DET1: variants seen among roughly 807,000 people sequenced by gnomAD.
DET1 encodes DET1 homolog.
Under a neutral mutation model 43.7 loss-of-function variants are expected in DET1, and 22 were observed. The observed-to-expected ratio is 0.50, with a 90% confidence interval of 0.36 to 0.72. DET1 has a LOEUF of 0.72. Ranked by LOEUF, DET1 falls within the 30% of genes least tolerant of loss-of-function variation. DET1 has a pLI of 0.00. For synonymous variants in DET1, 315 were observed against 266.2 expected, an observed-to-expected ratio of 1.18 and a Z score of -1.79; for missense variants, 713 against 713.3, an observed-to-expected ratio of 1.00 and a Z score of 0.00.
intron 3 of DET1, among the ~76,000 whole-genome samples, chr15:88,521,435 G>A (rs954624722): frequency 1.8e-4 from 28 of 151,988 alleles, no homozygotes; most frequent in East Asian, 3.9e-4. Context: ...CTCCACTTTC[G>A]TGCTTCCAAA....
At chr15:88,534,339 G>C (rs569768161) in intron 1 of DET1, among the ~76,000 whole-genome samples, 2 of 152,222 alleles carry the variant, frequency 1.3e-5, no homozygotes, top group Admixed American at 1.3e-4. Context: ...ATAAAACCTA[G>C]ACAGAATGCA....
chr15:88,544,561 C>T (rs894335845), intron 1 of DET1, among the ~76,000 whole-genome samples: 1 of 152,176 alleles, frequency 6.6e-6, no homozygotes, highest in Non-Finnish European at 1.5e-5. Flanking sequence ...CCATTCGTTC[C>T]AGCCAGGAGA....
intron 3 of DET1, among the ~76,000 whole-genome samples, chr15:88,525,374 C>T (rs2056633255): frequency 6.6e-6 from 1 of 152,192 alleles, no homozygotes; most frequent in African/African-American, 2.4e-5. Flanking sequence ...CTGAAGATCA[C>T]TGAGCTGGAA....
intron 1 of DET1, among the ~76,000 whole-genome samples, chr15:88,541,311 A>T (rs555871845): frequency 6.6e-6 from 1 of 152,076 alleles, no homozygotes; most frequent in East Asian, 1.9e-4. Context: ...ACCCTGACAC[A>T]TCCTCCTCTT....
downstream of DET1, among the ~76,000 whole-genome samples, chr15:88,510,008 GA>G (rs1009049089): frequency 6.6e-5 from 10 of 152,132 alleles, no homozygotes; most frequent in Non-Finnish European, 1.3e-4. Context: ...ACCTGAGAGA[GA>G]AAAAAACTCC....
At position 88,529,412 on chromosome 15, in the gene DET1, C is replaced by T. The variant is rs541352707; in HGVS notation, c.1083+1211G>A. ...GACTTGACTGCAGGATCCCATGATG[C>T]ATAAGATGAACCAGATGCTCACCCA... is the stretch of plus-strand genomic sequence containing the variant. On this transcript the variant is annotated intron_variant, in intron 2 of 4. Coordinates refer to ENST00000268148, the MANE Select transcript of DET1 (RefSeq NM_001144074.3). Among the ~76,000 whole-genome samples, 41 of 152,204 alleles carry T rather than the reference C, an allele frequency of 2.7e-4. No individual in the cohort carries two copies. In the South Asian group the frequency reaches 8.1e-3, roughly 30 times the overall value.
At chr15:88,509,802 G>C (rs2056178305), downstream of DET1, among the ~76,000 whole-genome samples, 1 of 152,182 alleles carries the variant, frequency 6.6e-6, no homozygotes, top group Non-Finnish European at 1.5e-5. Context: ...ATATGGTGAG[G>C]ACCTCTCCAA....
chr15:88,528,779 T>C (rs983687975), intron 2 of DET1, among the ~76,000 whole-genome samples: 1 of 152,212 alleles, frequency 6.6e-6, no homozygotes, highest in Non-Finnish European at 1.5e-5. Flanking sequence ...CCATTACCAA[T>C]TTCTGGAGCC....
At chr15:88,536,757 C>A (rs1329845569) in intron 1 of DET1, among the ~76,000 whole-genome samples, 3 of 112,044 alleles carry the variant, frequency 2.7e-5, no homozygotes, top group Non-Finnish European at 5.0e-5. Flanking sequence ...GGCAACAGAG[C>A]AAGACTCCAT....
chr15:88,512,426 A>C, downstream of DET1: 2 of 985,684 alleles, frequency 2.0e-6, no homozygotes, highest in South Asian at 9.4e-5. Flanking sequence ...GAACCCAAGT[A>C]CTTGAAAGCA....
intron 4 of DET1, among the ~76,000 whole-genome samples, chr15:88,514,011 G>C (rs979466338): frequency 6.7e-6 from 1 of 149,608 alleles, no homozygotes; most frequent in African/African-American, 2.5e-5. Context: ...GTGTTAGCCA[G>C]GATGGTCTCG....
At chr15:88,529,960 C>G (rs1598335949) in intron 2 of DET1, among the ~76,000 whole-genome samples, 1 of 152,168 alleles carries the variant, frequency 6.6e-6, no homozygotes, top group African/African-American at 2.4e-5. Flanking sequence ...ATTCTTCCCC[C>G]AAACTGAAAA....
At chr15:88,513,973 G>T (rs1412803974) in intron 4 of DET1, among the ~76,000 whole-genome samples, 1 of 149,958 alleles carries the variant, frequency 6.7e-6, no homozygotes, top group East Asian at 1.9e-4. Context: ...CTAATTTTTT[G>T]TATTTTTAGT....
Position 88,542,511 on chromosome 15 carries a change from C to T in DET1, c.-11+4029G>A, listed in dbSNP as rs570282971. Among the ~76,000 whole-genome samples the T allele has an allele frequency of 6.2e-4, 95 of 152,266 alleles. 1 individual carries two copies. The highest frequency in any genetic ancestry group is 1.9e-3 in the South Asian group (9 of 4,824). On this transcript the variant is annotated intron_variant, in intron 1 of 4. Transcript: ENST00000268148. The stretch of plus-strand genomic sequence containing the variant: ...ACCCGGTGGCTCCCGAAAATAGCCA[C>T]GCTCTTAATTTGGCATTTGAGGCTC...
At position 88,516,522 on chromosome 15, in the gene DET1, C is replaced by G. The variant is rs1189976029; in HGVS notation, c.1463+260G>C. Among the ~76,000 whole-genome samples, 1 of 152,178 alleles carries G rather than the reference C, an allele frequency of 6.6e-6. No homozygotes were observed. Among genetic ancestry groups the G allele is most frequent in the Non-Finnish European group, 1.5e-5 (1 of 68,036 alleles). ...ATTATTAAATGGGAAAGTACAGCTT[C>G]CTCCCCTGGATACCTTTAAAAGAGG... On this transcript the variant is annotated intron_variant, in intron 4 of 4. Transcript: ENST00000268148. This position sits in a 1 kb window ranked among gnomAD's most constrained non-coding sequence, Gnocchi z 4.4.
intron 3 of DET1, among the ~76,000 whole-genome samples, chr15:88,526,785 C>T (rs1427278042): frequency 6.6e-6 from 1 of 152,192 alleles, no homozygotes; most frequent in Non-Finnish European, 1.5e-5. Flanking sequence ...GAATAAACTT[C>T]CAGCCTTTTG....
chr15:88,518,021 C>T (rs189204292), intron 3 of DET1, among the ~76,000 whole-genome samples: 146 of 152,268 alleles, frequency 9.6e-4, no homozygotes, highest in African/African-American at 3.4e-3. Flanking sequence ...ACTGCAACCT[C>T]CACCTCTCCT....
intron 3 of DET1, among the ~76,000 whole-genome samples, chr15:88,523,874 T>C (rs1425501729): frequency 3.3e-5 from 5 of 151,914 alleles, no homozygotes; most frequent in Admixed American, 1.3e-4. Flanking sequence ...GTCTGGGAAG[T>C]GAGGAGCGTC....
At chr15:88,526,496 A>G (rs1330196400) in intron 3 of DET1, among the ~76,000 whole-genome samples, 3 of 151,666 alleles carry the variant, frequency 2.0e-5, no homozygotes, top group African/African-American at 7.3e-5. Flanking sequence ...TGTGGGGTAT[A>G]TATTTAGGGT....
Sources: gnomAD v4.1 joint callset for allele counts (sites outside exome capture counted in the v4.1 genomes callset) on GRCh38, gnomAD v4.1.1 for gene constraint, Gnocchi (gnomAD v3.1) non-coding constraint, MANE v1.5 for transcripts, NCBI Gene and HGNC (gene_info 2026-07-23, HGNC 2026-07-21) for gene names.